The following DCC variants were observed in gnomAD, a reference collection of about 807,000 sequenced individuals.
DCC encodes netrin receptor DCC.
Under a neutral mutation model 172.5 loss-of-function variants are expected in DCC, and 58 were observed. The observed-to-expected ratio is 0.34, with a 90% confidence interval of 0.27 to 0.42. The LOEUF (loss-of-function observed/expected upper bound fraction) is 0.42, where lower values mean the gene tolerates loss of function less well. Ranked by LOEUF, DCC falls within the 10% of genes least tolerant of loss-of-function variation. The pLI, the probability that DCC is intolerant of heterozygous loss-of-function variation, is 1.00. For missense variants in DCC, 1,740 were observed against 1,791.0 expected, an observed-to-expected ratio of 0.97 and a Z score of 0.51; for synonymous variants, 709 against 644.5, an observed-to-expected ratio of 1.10 and a Z score of -1.52.
chr18:53,380,460 T>C (rs1907634814), intron 15 of DCC, among the ~76,000 whole-genome samples: 1 of 152,194 alleles, frequency 6.6e-6, no homozygotes, highest in South Asian at 2.1e-4. Context: ...ATTTTCTTGT[T>C]TTTTGTTCTG....
At chr18:53,026,060 A>G (rs1162487136) in intron 5 of DCC, among the ~76,000 whole-genome samples, 1 of 152,072 alleles carries the variant, frequency 6.6e-6, no homozygotes, top group African/African-American at 2.4e-5. Context: ...GTGATTGGTC[A>G]TGGGACTCAT....
chr18:53,297,626 C>T (rs1008866844), intron 12 of DCC, among the ~76,000 whole-genome samples: 12 of 152,110 alleles, frequency 7.9e-5, no homozygotes, highest in African/African-American at 2.2e-4. Context: ...AAAATGTTCC[C>T]GTAACAGCAA....
chr18:53,439,769 C>CTTTTTCTTTT (rs1358622506), intron 22 of DCC, among the ~76,000 whole-genome samples: 2,410 of 127,206 alleles, frequency 0.019, 102 homozygotes, highest in African/African-American at 0.058. Flanking sequence ...TAGTATTTTT[C>CTTTTTCTTTT]TTTTTTTTTT....
At chr18:52,776,971 G>C (rs1309883776) in intron 2 of DCC, among the ~76,000 whole-genome samples, 1 of 152,264 alleles carries the variant, frequency 6.6e-6, no homozygotes, top group East Asian at 1.9e-4. Context: ...CAATAGGTTT[G>C]GGACTAGCAT....
At chr18:53,517,954 G>C (rs1335557090) in intron 27 of DCC, among the ~76,000 whole-genome samples, 1 of 152,144 alleles carries the variant, frequency 6.6e-6, no homozygotes, top group Non-Finnish European at 1.5e-5. Flanking sequence ...TGTTGAAGAT[G>C]AAAGGGTAGA....
intron 22 of DCC, among the ~76,000 whole-genome samples, chr18:53,443,934 G>T (rs1912435007): frequency 6.6e-6 from 1 of 152,214 alleles, no homozygotes; most frequent in Non-Finnish European, 1.5e-5. Flanking sequence ...TGACTGAACT[G>T]CTGCAATCTC....
intron 2 of DCC, among the ~76,000 whole-genome samples, chr18:52,807,229 T>A (rs1232886465): frequency 1.3e-5 from 2 of 152,112 alleles, no homozygotes; most frequent in Non-Finnish European, 2.9e-5. Flanking sequence ...GTACTTTACC[T>A]AGGTCACATA....
At chr18:52,654,642 A>C (rs558798486) in intron 1 of DCC, among the ~76,000 whole-genome samples, 1 of 152,302 alleles carries the variant, frequency 6.6e-6, no homozygotes, top group East Asian at 1.9e-4. Flanking sequence ...CACCCAAAAA[A>C]GTTAAGGGCT....
chr18:52,618,826 T>G (rs918612595), intron 1 of DCC, among the ~76,000 whole-genome samples: 1 of 152,222 alleles, frequency 6.6e-6, no homozygotes, highest in African/African-American at 2.4e-5. Flanking sequence ...GTCAACAAAT[T>G]TCTTAGATAG....
At chr18:53,517,082 A>G (rs1201441469) in intron 27 of DCC, among the ~76,000 whole-genome samples, 1 of 142,984 alleles carries the variant, frequency 7.0e-6, no homozygotes, top group African/African-American at 2.7e-5. Context: ...GATTAAGAAA[A>G]TGTGGCACAT....
intron 15 of DCC, among the ~76,000 whole-genome samples, chr18:53,351,409 ATATATATACACACTGTG>A (rs1170152526): frequency 0.32 from 4,679 of 14,532 alleles, 660 homozygotes; most frequent in East Asian, 0.56. Flanking sequence ...GTGTATATAT[ATATATATACACACTGTG>A]TATATATATA....
chr18:53,259,094 C>T (rs1160876986), intron 12 of DCC, among the ~76,000 whole-genome samples: 1 of 152,026 alleles, frequency 6.6e-6, no homozygotes, highest in Non-Finnish European at 1.5e-5. Flanking sequence ...TATTTTGAGC[C>T]TGTGTGTGTC....
chr18:52,895,138 TAA>T (rs1394891624), intron 2 of DCC, among the ~76,000 whole-genome samples: 3 of 152,200 alleles, frequency 2.0e-5, no homozygotes, highest in South Asian at 2.1e-4. Context: ...CATACCAACT[TAA>T]AGAGTTTGCT....
intron 1 of DCC, among the ~76,000 whole-genome samples, chr18:52,608,540 G>C (rs568791332): frequency 9.8e-5 from 15 of 152,288 alleles, no homozygotes; most frequent in Admixed American, 6.5e-5. Context: ...TGTGAGTAAA[G>C]ATATAGTAGT....
intron 1 of DCC, among the ~76,000 whole-genome samples, chr18:52,429,488 C>CT (rs1261274856): frequency 1.3e-5 from 2 of 151,930 alleles, no homozygotes; most frequent in Non-Finnish European, 2.9e-5. Flanking sequence ...CACCATCTAA[C>CT]TTTTTTTTGA....
At chr18:52,768,735 C>T (rs1241605740) in intron 2 of DCC, among the ~76,000 whole-genome samples, 3 of 151,828 alleles carry the variant, frequency 2.0e-5, no homozygotes, top group South Asian at 2.1e-4. Context: ...TTATTTTCCA[C>T]CTTTCTGTCA....
chr18:52,636,934 CCACCGGAACAGG>C (rs1038302754), intron 1 of DCC, among the ~76,000 whole-genome samples: 4 of 152,164 alleles, frequency 2.6e-5, no homozygotes, highest in African/African-American at 9.7e-5. Context: ...CCCGCCACCT[CCACCGGAACAGG>C]CACTGGTTCC....
At chr18:52,747,259 T>C (rs955349724) in intron 1 of DCC, among the ~76,000 whole-genome samples, 5 of 152,202 alleles carry the variant, frequency 3.3e-5, no homozygotes, top group Admixed American at 6.5e-5. Context: ...TATAGTTGTC[T>C]TAAGTAATTT....
intron 23 of DCC, among the ~76,000 whole-genome samples, chr18:53,455,779 A>G (rs761417914): frequency 7.4e-4 from 112 of 152,306 alleles, no homozygotes; most frequent in Non-Finnish European, 9.3e-4. Context: ...TCATGCACAC[A>G]AACTGTCATG....
Sources: allele counts gnomAD v4.1 joint callset (sites outside exome capture counted in the v4.1 genomes callset), GRCh38; gene constraint gnomAD v4.1.1; transcripts MANE v1.5; gene names NCBI Gene and HGNC (gene_info 2026-07-23, HGNC 2026-07-21).